RRAGC: variants seen among roughly 807,000 people sequenced by gnomAD.
RRAGC encodes ras-related GTP-binding protein C.
A neutral mutation model predicts 37.1 loss-of-function variants in RRAGC; 8 were observed. The observed-to-expected ratio is 0.22, with a 90% CI of 0.13 to 0.39. The LOEUF is 0.39. RRAGC is among the 10% of genes least tolerant of loss of function. RRAGC has a pLI of 1.00. For synonymous variants in RRAGC, 190 were observed against 181.1 expected (o/e 1.05, Z -0.39); for missense variants, 342 against 497.6 (o/e 0.69, Z 2.98).
chr1:38,853,711 C>A (rs1021282065), intron 3 of RRAGC, among the ~76,000 whole-genome samples: 3 of 150,696 alleles, frequency 2.0e-5, no homozygotes, highest in Non-Finnish European at 4.4e-5. Context: ...GGCATCATTG[C>A]ACTCCAGCCT....
chr1:38,850,727 G>C (rs1321684763), intron 5 of RRAGC, among the ~76,000 whole-genome samples: 2 of 152,136 alleles, frequency 1.3e-5, no homozygotes, highest in African/African-American at 2.4e-5. Flanking sequence ...ACAGGTAGTA[G>C]AAAGCAAAGA....
rs2124232963 is a variant in RRAGC, at chr1:38,855,884, T to C, written c.465A>G (p.Thr155=). ...CTTTAGAAACAGTAATGTGAAGTCT[T>C]GTTAAAGCCTCCATGTAGTCATCCT... ...DAQDDYMEAL[T]RLHITVSKAY... The change falls in exon 3 of 7, where the codon ACA becomes ACG. Residue 155 remains threonine, a synonymous_variant. Coordinates refer to ENST00000373001, the MANE Select transcript of RRAGC (RefSeq NM_022157.4). 3.1e-6 allele frequency: 5 copies of C among 1,613,458 alleles called. No homozygotes were observed. In the South Asian group the frequency reaches 4.4e-5, roughly 14 times the overall value.
chr1:38,841,922 G>T (rs555438345), intron 6 of RRAGC, among the ~76,000 whole-genome samples: 35 of 152,246 alleles, frequency 2.3e-4, no homozygotes, highest in African/African-American at 8.2e-4. Flanking sequence ...AGATCACAAG[G>T]TCAGGAGATC....
At chr1:38,844,728 A>G (rs111739671) in intron 6 of RRAGC, among the ~76,000 whole-genome samples, 3,699 of 152,330 alleles carry the variant, frequency 0.024, 62 homozygotes, top group Non-Finnish European at 0.037. Flanking sequence ...CAATCTACCC[A>G]TCTGACAAAC....
At chr1:38,857,120 C>G (rs752476703) in intron 1 of RRAGC, 38 bp from the exon 2 acceptor site, 4 of 1,444,228 alleles carry the variant, frequency 2.8e-6, no homozygotes, top group Admixed American at 3.8e-5. Context: ...GACTATTAAA[C>G]TTCAGAATTT....
chr1:38,843,629 A>C (rs1570860243), intron 6 of RRAGC, among the ~76,000 whole-genome samples: 1 of 151,432 alleles, frequency 6.6e-6, no homozygotes, highest in African/African-American at 2.4e-5. Context: ...GTGAGGCAGG[A>C]GAATGATGTG....
chr1:38,855,788 G>A lies in RRAGC; in HGVS notation c.561C>T (p.His187=). 6.2e-7 allele frequency: 1 copy of A among 1,613,978 alleles called. No individual in the cohort carries two copies. The highest frequency in any genetic ancestry group is 8.5e-7 in the Non-Finnish European group (1 of 1,179,916). Residue 187 remains histidine, a synonymous_variant, in exon 3 of 7, where the codon CAC becomes CAT. Coordinates refer to ENST00000373001, the MANE Select transcript of RRAGC (RefSeq NM_022157.4). The part of the protein sequence containing the change: ...IHKVDGLSDD[H]KIETQRDIHQ... ...GAATGTCCCTCTGTGTTTCTATTTTGTGATCATCAGACAGACCATCAACTT... is the reference window on the plus strand; with the variant it reads ...GAATGTCCCTCTGTGTTTCTATTTTATGATCATCAGACAGACCATCAACTT...
At position 38,855,890 on chromosome 1, in the gene RRAGC, A is replaced by C. The variant is rs750359348; in HGVS notation, c.459T>G (p.Ala153=). The change falls in exon 3 of 7, where the codon GCT becomes GCG. Residue 153 remains alanine, a synonymous_variant. Coordinates refer to ENST00000373001, the MANE Select transcript of RRAGC (RefSeq NM_022157.4). Reference sequence around the variant, plus strand: ...AAACAGTAATGTGAAGTCTTGTTAAAGCCTCCATGTAGTCATCCTGTAAGT... The same window carrying C: ...AAACAGTAATGTGAAGTCTTGTTAACGCCTCCATGTAGTCATCCTGTAAGT... ...VIDAQDDYME[A]LTRLHITVSK... 1 of 1,613,116 alleles carries C rather than the reference A, an allele frequency of 6.2e-7. No homozygotes were observed. The highest frequency in any genetic ancestry group is 1.3e-5 in the African/African-American group (1 of 75,026).
intron 1 of RRAGC, among the ~76,000 whole-genome samples, chr1:38,858,927 C>G (rs1642199786): frequency 1.3e-5 from 2 of 152,254 alleles, no homozygotes; most frequent in South Asian, 4.1e-4. Context: ...AAGTCTCCTT[C>G]ACATCAGTAG....
intron 5 of RRAGC, among the ~76,000 whole-genome samples, chr1:38,849,387 A>T (rs767572877): frequency 6.6e-6 from 1 of 152,176 alleles, no homozygotes; most frequent in Non-Finnish European, 1.5e-5. Flanking sequence ...TATTATGTAT[A>T]AGGTATTTTA....
rs9694 is a variant in RRAGC at position 38,839,056 on chromosome 1, A to G, written c.*497T>C. The G allele has an allele frequency of 0.95, 145,452 of 152,604 alleles. 69,561 individuals carry two copies. The highest frequency in any genetic ancestry group is 0.99 in the African/African-American group (40,997 of 41,600). 9.5% of individuals were successfully genotyped at this position (152,604 alleles called of 1,614,324 possible). ...GTCTTCCGAGTTAGCAAGCAAATGC[A>G]TTTAAAAGGTCTTAGTTGTGCAATG... On this transcript the variant is annotated 3_prime_UTR_variant, in exon 7 of 7. Transcript: ENST00000373001.
intron 5 of RRAGC, among the ~76,000 whole-genome samples, chr1:38,850,149 T>G (rs1408107804): frequency 6.6e-6 from 1 of 151,806 alleles, no homozygotes; most frequent in African/African-American, 2.4e-5. Context: ...GAGATTGCAG[T>G]GAGCTGAGAT....
At position 38,859,590 on chromosome 1, in the gene RRAGC, G is replaced by T. The variant is rs1292322704; in HGVS notation, c.57C>A (p.Ala19=). ...ETPLAGSYGA[A]DSFPKDFGYG... The stretch of plus-strand genomic sequence containing the variant: ...AGCCGAAGTCCTTTGGAAACGAATC[G>T]GCCGCGCCGTAACTGCCGGCGAGGG... The change falls in exon 1 of 7, where the codon GCC becomes GCA. Residue 19 remains alanine (A), a synonymous_variant. Coordinates refer to ENST00000373001, the MANE Select transcript of RRAGC (RefSeq NM_022157.4). The T allele has an allele frequency of 1.3e-6, 2 of 1,566,244 alleles. No individual in the cohort carries two copies. The highest frequency in any genetic ancestry group is 2.3e-5 in the South Asian group (2 of 85,524).
At position 38,838,812 on chromosome 1, in the gene RRAGC, C is replaced by T. The variant is rs1641914315; in HGVS notation, c.*741G>A. On this transcript the variant is annotated 3_prime_UTR_variant, in exon 7 of 7. Transcript: ENST00000373001. ...GGACTGTGGGAAAACTTTTAATTCC[C>T]TTTGTTACACTGAGCATGATCATTT... The T allele has an allele frequency of 6.6e-6, 1 of 152,208 alleles. No homozygotes were observed. Among genetic ancestry groups the T allele is most frequent in the Non-Finnish European group, 1.5e-5 (1 of 68,034 alleles). 9.4% of individuals were successfully genotyped at this position (152,208 alleles called of 1,614,324 possible).
At chr1:38,856,513 A>G (rs1448681804) in intron 2 of RRAGC, among the ~76,000 whole-genome samples, 1 of 152,194 alleles carries the variant, frequency 6.6e-6, no homozygotes, top group Non-Finnish European at 1.5e-5. Context: ...ATTCACTCTA[A>G]TATCTACTGA....
At chr1:38,844,451 A>G (rs1042950566) in intron 6 of RRAGC, among the ~76,000 whole-genome samples, 1 of 151,680 alleles carries the variant, frequency 6.6e-6, no homozygotes, top group African/African-American at 2.4e-5. Context: ...GACTGAGGAA[A>G]AAAAAAAAAA....
At chr1:38,855,010 T>C (rs1642150759) in intron 3 of RRAGC, among the ~76,000 whole-genome samples, 1 of 152,180 alleles carries the variant, frequency 6.6e-6, no homozygotes, top group African/African-American at 2.4e-5. Context: ...AGAATGCAAA[T>C]ACACAAATCA....
chr1:38,855,633 G>C, intron 3 of RRAGC, 75 bp downstream of exon 3: 1 of 1,159,330 alleles, frequency 8.6e-7, no homozygotes, highest in Non-Finnish European at 1.3e-6. Context: ...GAAAGCTATG[G>C]TGTTTGTAAT....
At chr1:38,848,835 T>A (rs546305689) in intron 5 of RRAGC, among the ~76,000 whole-genome samples, 1 of 150,332 alleles carries the variant, frequency 6.7e-6, no homozygotes, top group Non-Finnish European at 1.5e-5. Context: ...AAAGTAAAAT[T>A]AAAAAAACAA....
Sources: gnomAD v4.1 joint callset for allele counts (sites outside exome capture counted in the v4.1 genomes callset) on GRCh38, gnomAD v4.1.1 for gene constraint, MANE v1.5 for transcripts, NCBI Gene and HGNC (gene_info 2026-07-23, HGNC 2026-07-21) for gene names.